TKTL1: variants seen among roughly 807,000 people sequenced by gnomAD.
TKTL1 encodes the protein transketolase like 1, also known as transketolase-like protein 1.
TKTL1 carries 1 observed loss-of-function variant against 39.3 expected under a neutral mutation model. The observed-to-expected ratio is 0.03, with a 90% confidence interval of 0.01 to 0.12. The LOEUF (loss-of-function observed/expected upper bound fraction) is 0.12. Ranked by LOEUF, TKTL1 falls within the 10% of genes least tolerant of loss-of-function variation. TKTL1 has a pLI of 1.00. For missense variants in TKTL1, 575 were observed against 509.6 expected (o/e 1.13, Z -1.24); for synonymous variants, 262 against 193.8 (o/e 1.35, Z -2.92).
At position 154,330,082 on chromosome X, in the gene TKTL1, T is replaced by C. The variant is rs2067526160; in HGVS notation, c.*394T>C. The C allele has an allele frequency of 1.6e-5, 2 of 126,570 alleles. No homozygotes were observed. Among genetic ancestry groups the C allele is most frequent in the Non-Finnish European group, 3.2e-5 (2 of 62,054 alleles). 10.4% of individuals were successfully genotyped at this position (126,570 alleles called of 1,213,427 possible). On this transcript the variant is annotated 3_prime_UTR_variant, in exon 13 of 13. Transcript: ENST00000369915. ...GTATTTCCTTCATGAGTAAAGAAAA[T>C]GTGGATTGAAGTATAGATTCCAGTA...
Position 154,315,403 on chromosome X carries a change from C to T in TKTL1, c.1029+66C>T, listed in dbSNP as rs782305408. 1.6e-4 allele frequency: 170 copies of T among 1,046,463 alleles called. No homozygotes were observed. In the Middle Eastern group the frequency reaches 1.9e-3, roughly 11 times the overall value. The allele number at this position is 1,046,463 out of a possible 1,213,427, so 86.2% of individuals were successfully genotyped here. A position where few individuals can be genotyped will look rare whatever the true frequency, so the allele number is the denominator to read the frequency against. On this transcript the variant is annotated intron_variant, in intron 7 of 12. Transcript: ENST00000369915. ...GCCCACTGGACACAGGAGGCCCAGC[C>T]TGTGCTAGTTTTTCTTTCCATTTAT...
chrX:154,315,185 A>G lies in TKTL1; in HGVS notation c.877A>G (p.Lys293Glu), dbSNP rs1471869483. 8 of 1,208,795 alleles carry G rather than the reference A, an allele frequency of 6.6e-6. No individual in the cohort carries two copies. The highest frequency in any genetic ancestry group is 3.5e-5 in the African/African-American group (2 of 57,170). Residue 293 changes from lysine to glutamate, a missense_variant, in exon 7 of 13, where the codon AAA becomes GAA. Physicochemically the swap from Lys to Glu is moderately conservative, Grantham distance 56. Transcript: ENST00000369915. Reference protein sequence around the residue: ...YRVGDKIATRKACGLALAKLG... With the variant: ...YRVGDKIATREACGLALAKLG... ...CTCTGTCTTCTAGATAGCTACTCGG[A>G]AAGCATGCGGTCTGGCTCTGGCTAA...
intron 1 of TKTL1, among the ~76,000 whole-genome samples, chrX:154,296,709 T>C (rs1490089087): frequency 9.0e-6 from 1 of 111,470 alleles, no homozygotes; most frequent in Non-Finnish European, 1.9e-5. Flanking sequence ...TTTCAAAGTG[T>C]TCCATCTTAA....
intron 10 of TKTL1, among the ~76,000 whole-genome samples, chrX:154,325,980 C>T (rs1557171899): frequency 9.0e-6 from 1 of 111,571 alleles, no homozygotes; most frequent in African/African-American, 3.3e-5. Context: ...AAGAGTAAGA[C>T]CCTATCTCTA....
At position 154,309,358 on chromosome X, in the gene TKTL1, T is replaced by C. The variant is rs782804391; in HGVS notation, c.266T>C (p.Val89Ala). Residue 89 changes from valine (V) to alanine (A), a missense_variant, in exon 3 of 13, where the codon GTG becomes GCG. Transcript: ENST00000369915. Reference protein sequence around the residue: ...RFVLAKRLSFVDVATGWLGQG... With the variant: ...RFVLAKRLSFADVATGWLGQG... ...CTTCTCTTACAGAGACTGTCGTTTG[T>C]GGATGTGGCAACAGGATGGCTCGGA... 9 of 1,211,417 alleles carry C rather than the reference T, an allele frequency of 7.4e-6. No individual in the cohort carries two copies. The highest frequency in any genetic ancestry group is 6.5e-5 in the Admixed American group (3 of 46,094).
chrX:154,326,821 C>T (rs2148086185), intron 10 of TKTL1, among the ~76,000 whole-genome samples: 1 of 112,527 alleles, frequency 8.9e-6, no homozygotes, highest in South Asian at 3.6e-4. Context: ...ACATGCATGG[C>T]ATGGATCGTT....
chrX:154,312,464 TTCC>T, intron 5 of TKTL1, 113 bp from the exon 6 acceptor site: 3 of 726,391 alleles, frequency 4.1e-6, no homozygotes, highest in Non-Finnish European at 5.9e-6. Flanking sequence ...GTGCCAGGTG[TTCC>T]TCCTGTGAGT....
chrX:154,328,545 C>CA (rs59136064), intron 12 of TKTL1, among the ~76,000 whole-genome samples: 2 of 15,312 alleles, frequency 1.3e-4, no homozygotes, highest in Non-Finnish European at 3.2e-4. Context: ...GACTCTGCCT[C>CA]AAAAAAAAAA....
chrX:154,308,500 A>T (rs1405431680), intron 2 of TKTL1, among the ~76,000 whole-genome samples: 1 of 111,989 alleles, frequency 8.9e-6, no homozygotes, highest in Non-Finnish European at 1.9e-5. Context: ...AGTCAACTTC[A>T]GTTTTAACAG....
At chrX:154,318,707 C>CAA (rs1208196360) in intron 7 of TKTL1, among the ~76,000 whole-genome samples, 41 of 29,743 alleles carry the variant, frequency 1.4e-3, no homozygotes, top group Non-Finnish European at 2.2e-3. Context: ...GCCTCCGTCT[C>CAA]AAAAAAAAAA....
chrX:154,314,861 C>T (rs1456568627), intron 6 of TKTL1, among the ~76,000 whole-genome samples: 7 of 109,913 alleles, frequency 6.4e-5, no homozygotes, highest in East Asian at 2.8e-4. Flanking sequence ...CCATTAATGT[C>T]GGAAATCTCA....
chrX:154,297,130 A>T (rs1303365829), intron 1 of TKTL1, among the ~76,000 whole-genome samples: 1 of 112,504 alleles, frequency 8.9e-6, no homozygotes, highest in Non-Finnish European at 1.9e-5. Flanking sequence ...CTCTAAAAAA[A>T]TAAAGTAAAA....
chrX:154,306,258 G>A (rs2067314200), intron 2 of TKTL1, among the ~76,000 whole-genome samples: 3 of 112,227 alleles, frequency 2.7e-5, no homozygotes, highest in South Asian at 7.3e-4. Flanking sequence ...ACAGTGAGCC[G>A]AGATCGTGCC....
At chrX:154,310,788 C>T in intron 3 of TKTL1, 48 bp from the exon 4 acceptor site, 1 of 1,098,968 alleles carries the variant, frequency 9.1e-7, no homozygotes, top group Non-Finnish European at 1.2e-6. Context: ...GTTTGGTTGG[C>T]CCAGATGATC....
intron 8 of TKTL1, among the ~76,000 whole-genome samples, 190 bp downstream of exon 8, chrX:154,321,103 C>G (rs1003651865): frequency 9.0e-6 from 1 of 110,644 alleles, no homozygotes; most frequent in Non-Finnish European, 1.9e-5. Context: ...GTGCATCTCT[C>G]GGTGGTACTG....
At chrX:154,323,441 A>G (rs1360971763) in intron 9 of TKTL1, 104 bp downstream of exon 9, 5 of 916,522 alleles carry the variant, frequency 5.5e-6, no homozygotes, top group Non-Finnish European at 7.5e-6. Flanking sequence ...AGTGATATTC[A>G]TTATAGAAAA....
chrX:154,315,739 C>T (rs868938460), intron 7 of TKTL1, among the ~76,000 whole-genome samples: 4 of 111,976 alleles, frequency 3.6e-5, no homozygotes, highest in African/African-American at 1.3e-4. Context: ...TTCCTTCTCT[C>T]CACTGTAGAG....
intron 5 of TKTL1, among the ~76,000 whole-genome samples, chrX:154,312,254 C>G (rs2067363839): frequency 8.9e-6 from 1 of 112,448 alleles, no homozygotes. Context: ...TGGCTTGCAC[C>G]TGTAATCCCA....
intron 1 of TKTL1, among the ~76,000 whole-genome samples, chrX:154,303,379 A>ATTTTTTTTTTTT: frequency 8.9e-5 from 3 of 33,674 alleles, no homozygotes; most frequent in Non-Finnish European, 5.2e-5. Flanking sequence ...TGCCCAGCTA[A>ATTTTTTTTTTTT]TTTTTTTTTT....
Sources: allele counts gnomAD v4.1 joint callset (sites outside exome capture counted in the v4.1 genomes callset), GRCh38; gene constraint gnomAD v4.1.1; transcripts MANE v1.5; gene names NCBI Gene and HGNC (gene_info 2026-07-23, HGNC 2026-07-21).